DNAAF9: variants seen among roughly 807,000 people sequenced by gnomAD.
DNAAF9 encodes the protein shulin.
Under a neutral mutation model 167.0 loss-of-function variants are expected in DNAAF9, and 90 were observed. The ratio of observed to expected loss-of-function variants is 0.54; its 90% CI spans 0.45 to 0.64. The LOEUF (loss-of-function observed/expected upper bound fraction) is 0.64, where lower values mean the gene tolerates loss of function less well. Among genes scored for constraint, DNAAF9 ranks in the 30% least tolerant of loss-of-function variants. DNAAF9 has a pLI of 0.00. For synonymous variants in DNAAF9, 491 were observed against 508.8 expected (o/e 0.96, Z 0.47); for missense variants, 1,315 against 1,442.2 (o/e 0.91, Z 1.43).
intron 29 of DNAAF9, among the ~76,000 whole-genome samples, chr20:3,273,531 T>C (rs1382400513): frequency 1.3e-5 from 2 of 151,914 alleles, no homozygotes; most frequent in East Asian, 1.9e-4. Context: ...CATATCACAG[T>C]GGTGAGGGCA....
intron 25 of DNAAF9, among the ~76,000 whole-genome samples, chr20:3,292,350 C>A (rs2068972602): frequency 6.6e-6 from 1 of 152,198 alleles, no homozygotes; most frequent in Non-Finnish European, 1.5e-5. Context: ...CAAACAGATG[C>A]TTTACACTCT....
intron 7 of DNAAF9, among the ~76,000 whole-genome samples, chr20:3,351,553 TA>T (rs2070324838): frequency 6.6e-6 from 1 of 150,996 alleles, no homozygotes; most frequent in Non-Finnish European, 1.5e-5. Context: ...AACAGACAGC[TA>T]GGGGGCAGGG....
intron 20 of DNAAF9, among the ~76,000 whole-genome samples, chr20:3,311,300 C>T (rs2069409891): frequency 6.9e-6 from 1 of 144,052 alleles, no homozygotes; most frequent in African/African-American, 2.5e-5. Flanking sequence ...GCCACCATGC[C>T]TGGCTAATTT....
At chr20:3,253,110 G>T (rs867059497) in intron 36 of DNAAF9, among the ~76,000 whole-genome samples, 2 of 152,144 alleles carry the variant, frequency 1.3e-5, no homozygotes, top group South Asian at 2.1e-4. Context: ...GATCACTTGA[G>T]CCCAGGAGTT....
intron 7 of DNAAF9, among the ~76,000 whole-genome samples, chr20:3,351,048 T>C (rs1568621760): frequency 1.3e-5 from 2 of 152,228 alleles, no homozygotes; most frequent in Admixed American, 1.3e-4. Context: ...TATGTGCTTC[T>C]TGATAAAGAA....
intron 7 of DNAAF9, among the ~76,000 whole-genome samples, chr20:3,349,901 A>T (rs2070280754): frequency 6.6e-6 from 1 of 152,098 alleles, no homozygotes; most frequent in Non-Finnish European, 1.5e-5. Context: ...AAGGGTATGT[A>T]TGTTAGTCGC....
rs1384512970 is a variant in DNAAF9, at chr20:3,250,348, G to C, written c.*2224C>G. ...CTCAAAGAGCTCACAGTGCACCGCG[G>C]GTGTGCCTTATCAGTGGGGCAGAGC... On this transcript the variant is annotated 3_prime_UTR_variant, in exon 37 of 37. Coordinates refer to ENST00000252032, the MANE Select transcript of DNAAF9 (RefSeq NM_001009984.3). 2 of 152,248 alleles carry C rather than the reference G, an allele frequency of 1.3e-5. No individual in the cohort carries two copies. Among genetic ancestry groups the C allele is most frequent in the African/African-American group, 4.8e-5 (2 of 41,452 alleles). 9.4% of individuals were successfully genotyped at this position (152,248 alleles called of 1,614,324 possible). A position where few individuals can be genotyped will look rare whatever the true frequency, so the allele number is the denominator to read the frequency against.
intron 16 of DNAAF9, among the ~76,000 whole-genome samples, chr20:3,321,068 C>A (rs924443819): frequency 2.0e-5 from 3 of 152,186 alleles, no homozygotes; most frequent in African/African-American, 7.2e-5. Context: ...CCATGCCATC[C>A]CACCCCAGGG....
intron 1 of DNAAF9, among the ~76,000 whole-genome samples, chr20:3,386,649 A>G (rs2083743386): frequency 6.6e-6 from 1 of 152,206 alleles, no homozygotes; most frequent in African/African-American, 2.4e-5. Context: ...GCTCTATGAA[A>G]GACTCTGTTG....
Position 3,255,368 on chromosome 20 carries a change from C to T in DNAAF9, c.3262-84G>A, listed in dbSNP as rs191912317. On this transcript the variant is annotated intron_variant, in intron 34 of 36. Coordinates refer to ENST00000252032, the MANE Select transcript of DNAAF9 (RefSeq NM_001009984.3). The stretch of plus-strand genomic sequence containing the variant: ...GGGGAGGGCTCTGGGCTCTATTACA[C>T]AACTAAGATCTCAGCAGTGGGGAAA... 2.3e-5 allele frequency: 19 copies of T among 824,744 alleles called. No homozygotes were observed. The African/African-American group carries it at 2.6e-4, about 11-fold the overall frequency. The allele number at this position is 824,744 out of a possible 1,614,324, so 51.1% of individuals were successfully genotyped here.
Position 3,294,556 on chromosome 20 carries a change from G to A in DNAAF9, c.2092C>T (p.Leu698Phe). Residue 698 changes from leucine (L) to phenylalanine (F), a missense_variant, in exon 24 of 37, where the codon CTC (leucine) becomes TTC (phenylalanine). Leu to Phe is a conservative substitution (Grantham distance 22, BLOSUM62 0). Around this residue, in one of 2 missense-constraint regions of DNAAF9, gnomAD observed 981 missense variants for 1,012.5 expected, o/e 0.97. Transcript: ENST00000252032. Reference sequence around the variant, plus strand: ...TCCAGCTCTGGGAGTTTGGCTGAGAGTAACTTTAGGGAACTCCGTTTCTCC... The same window carrying A: ...TCCAGCTCTGGGAGTTTGGCTGAGAATAACTTTAGGGAACTCCGTTTCTCC... ...AGEKRSSLKL[L>F]SAKLPELDWF... 6.2e-7 allele frequency: 1 copy of A among 1,612,998 alleles called. No homozygotes were observed. The highest frequency in any genetic ancestry group is 8.5e-7 in the Non-Finnish European group (1 of 1,179,002).
chr20:3,343,791 C>A, intron 8 of DNAAF9, 60 bp from the exon 9 acceptor site: 1 of 1,280,932 alleles, frequency 7.8e-7, no homozygotes, highest in Non-Finnish European at 1.1e-6. Flanking sequence ...AGTCATAAAA[C>A]CCCTCACATA....
chr20:3,388,752 A>G (rs1431104999), intron 1 of DNAAF9, among the ~76,000 whole-genome samples: 1 of 152,192 alleles, frequency 6.6e-6, no homozygotes, highest in Non-Finnish European at 1.5e-5. Flanking sequence ...CTTCACAGAG[A>G]CAGAAGGTAG....
At chr20:3,371,049 C>T (rs6037582) in intron 6 of DNAAF9, among the ~76,000 whole-genome samples, 38,046 of 151,894 alleles carry the variant, frequency 0.25, 5,364 homozygotes, top group African/African-American at 0.37. Context: ...CATCATCTTC[C>T]TTCCCATTGC....
intron 20 of DNAAF9, among the ~76,000 whole-genome samples, chr20:3,307,594 G>C (rs537649902): frequency 7.2e-5 from 11 of 152,138 alleles, no homozygotes; most frequent in African/African-American, 2.2e-4. Flanking sequence ...GCCATCCTTG[G>C]TGTCCTTAGT....
intron 6 of DNAAF9, among the ~76,000 whole-genome samples, chr20:3,365,634 C>A (rs965479998): frequency 2.0e-5 from 3 of 152,110 alleles, no homozygotes; most frequent in Admixed American, 6.5e-5. Flanking sequence ...TCAGGTGATC[C>A]GCCCACCTTG....
intron 10 of DNAAF9, among the ~76,000 whole-genome samples, chr20:3,339,886 T>C (rs2070043869): frequency 6.6e-6 from 1 of 152,070 alleles, no homozygotes; most frequent in Admixed American, 6.6e-5. Context: ...TGAGACCCTG[T>C]CTCAAAAAAT....
chr20:3,264,184 G>A (rs1433908375), intron 31 of DNAAF9, among the ~76,000 whole-genome samples: 1 of 152,238 alleles, frequency 6.6e-6, no homozygotes, highest in Non-Finnish European at 1.5e-5. Flanking sequence ...GGGCACAGCG[G>A]TGCTTGCTGC....
At chr20:3,269,097 C>T (rs541721452) in intron 30 of DNAAF9, among the ~76,000 whole-genome samples, 5 of 151,204 alleles carry the variant, frequency 3.3e-5, no homozygotes, top group East Asian at 1.9e-4. Flanking sequence ...AATATAGAGG[C>T]GGGGTTCCAC....
Sources: gnomAD v4.1 joint callset for allele counts (sites outside exome capture counted in the v4.1 genomes callset) on GRCh38, gnomAD v4.1.1 for gene constraint, gnomAD v4.1.1 regional missense constraint, MANE v1.5 for transcripts, NCBI Gene and HGNC (gene_info 2026-07-23, HGNC 2026-07-21) for gene names.